The following CYP46A1 variants were observed in gnomAD, a reference collection of about 807,000 sequenced individuals.
CYP46A1 encodes the protein cytochrome P450 family 46 subfamily A member 1.
CYP46A1 carries 20 observed loss-of-function variants against 63.3 expected under a neutral mutation model. That is an observed-to-expected ratio of 0.32 (90% CI 0.22 to 0.46). The LOEUF (loss-of-function observed/expected upper bound fraction) is 0.46. Ranked by LOEUF, CYP46A1 falls within the 20% of genes least tolerant of loss-of-function variation. The pLI is 1.00. For missense variants in CYP46A1, 445 were observed against 670.8 expected, an observed-to-expected ratio of 0.66 and a Z score of 3.72; for synonymous variants, 268 against 273.6, an observed-to-expected ratio of 0.98 and a Z score of 0.20.
At position 99,718,130 on chromosome 14, in the gene CYP46A1, T is replaced by TG. The variant is rs1441363461; in HGVS notation, c.980+9dup. ...GCCAGCCAGAGATCGTGGCAAGGTA[T>TG]GGGGGCTGCTCTTGGGGCTGGCAAA... On this transcript the variant is annotated splice_donor_region_variant and intron_variant, in intron 10 of 14. Transcript: ENST00000261835. 1 of 1,613,772 alleles carries TG rather than the reference T, an allele frequency of 6.2e-7. No individual in the cohort carries two copies. The highest frequency in any genetic ancestry group is 1.3e-5 in the African/African-American group (1 of 75,044).
At chr14:99,720,619 C>T (rs1202978691) in intron 10 of CYP46A1, among the ~76,000 whole-genome samples, 2 of 151,992 alleles carry the variant, frequency 1.3e-5, no homozygotes, top group Admixed American at 6.5e-5. Flanking sequence ...CCACCACTCC[C>T]GGCGAATTTT....
intron 3 of CYP46A1, 130 bp from the exon 4 acceptor site, chr14:99,699,336 C>T (rs3742376): frequency 0.3 from 248,809 of 822,008 alleles, 39,354 homozygotes; most frequent in East Asian, 0.37. Context: ...TGTGTGGGAT[C>T]ATGCATGGGA....
At chr14:99,694,490 T>C (rs2056570933) in intron 3 of CYP46A1, among the ~76,000 whole-genome samples, 1 of 151,582 alleles carries the variant, frequency 6.6e-6, no homozygotes, top group African/African-American at 2.4e-5. Context: ...ATTTCATTGA[T>C]TTCTCCTCTT....
At chr14:99,724,182 TC>T (rs1265313189) in intron 12 of CYP46A1, among the ~76,000 whole-genome samples, 1 of 152,190 alleles carries the variant, frequency 6.6e-6, no homozygotes, top group African/African-American at 2.4e-5. Flanking sequence ...AGACCTTGTC[TC>T]CAAACACAGC....
chr14:99,703,967 C>A, intron 5 of CYP46A1: 2 of 740,016 alleles, frequency 2.7e-6, no homozygotes, highest in Non-Finnish European at 3.3e-6. Context: ...AAAGGCCAGC[C>A]AAGCAAACTT....
intron 10 of CYP46A1, among the ~76,000 whole-genome samples, chr14:99,720,534 C>A (rs1315505427): frequency 6.7e-6 from 1 of 149,298 alleles, no homozygotes; most frequent in African/African-American, 2.5e-5. Context: ...CCTCTGCTCA[C>A]TGCAAACTCC....
At chr14:99,701,888 G>A (rs943751785) in intron 5 of CYP46A1, among the ~76,000 whole-genome samples, 1 of 152,038 alleles carries the variant, frequency 6.6e-6, no homozygotes, top group Admixed American at 6.6e-5. Flanking sequence ...TAGCCAACAT[G>A]GAGAAACCAT....
intron 11 of CYP46A1, among the ~76,000 whole-genome samples, chr14:99,721,662 A>G (rs1260364489): frequency 6.6e-6 from 1 of 152,154 alleles, no homozygotes; most frequent in Non-Finnish European, 1.5e-5. Context: ...GCCGCCGCAC[A>G]GCAGGAGGGC....
Position 99,722,139 on chromosome 14 carries a change from C to A in CYP46A1, c.1176+73C>A. 1 of 1,155,332 alleles carries A rather than the reference C, an allele frequency of 8.7e-7. No homozygotes were observed. The highest frequency in any genetic ancestry group is 1.3e-5 in the South Asian group (1 of 76,962). The allele number at this position is 1,155,332 out of a possible 1,614,324, so 71.6% of individuals were successfully genotyped here. A position where few individuals can be genotyped will look rare whatever the true frequency, so the allele number is the denominator to read the frequency against. On this transcript the variant is annotated intron_variant, in intron 12 of 14. Transcript: ENST00000261835. This position sits in a 1 kb window ranked among gnomAD's most constrained non-coding sequence, Gnocchi z 4.6. The stretch of plus-strand genomic sequence containing the variant: ...CAATGGTGGTGAATTTGGGACTCAC[C>A]AGGGGAGCCTGTGGCCCTGTTCCCA...
chr14:99,722,073 G>A lies in CYP46A1; in HGVS notation c.1176+7G>A, dbSNP rs2056852749. The A allele has an allele frequency of 6.2e-7, 1 of 1,607,282 alleles. No homozygotes were observed. Among genetic ancestry groups the A allele is most frequent in the South Asian group, 1.1e-5 (1 of 90,942 alleles). The stretch of plus-strand genomic sequence containing the variant: ...CGGCAACACCCCGCTCTTGGTGGGT[G>A]GAGGCCCTGGGGGTCCTGGGGTGGG... On this transcript the variant is annotated splice_region_variant and intron_variant, in intron 12 of 14. Transcript: ENST00000261835. This position sits in a 1 kb window ranked among gnomAD's most constrained non-coding sequence, Gnocchi z 4.6.
At chr14:99,691,516 CT>C in intron 2 of CYP46A1, 1 of 575,448 alleles carries the variant, frequency 1.7e-6, no homozygotes. Flanking sequence ...CCAGGACAAC[CT>C]TTTGGGACAA....
rs796647695 is a variant in CYP46A1 at position 99,687,263 on chromosome 14, A to G, written c.119+2727A>G. Among the ~76,000 whole-genome samples, 11 of 152,262 alleles carry G rather than the reference A, an allele frequency of 7.2e-5. 1 individual carries two copies. The highest frequency in any genetic ancestry group is 2.6e-4 in the African/African-American group (11 of 41,550). On this transcript the variant is annotated intron_variant, in intron 1 of 14. Transcript: ENST00000261835. Reference sequence around the variant, plus strand: ...CTCTGTCACTGTTCTAACTTCCCTCATCAGCCCCTACTCTCCTGGTAATGT... The same window carrying G: ...CTCTGTCACTGTTCTAACTTCCCTCGTCAGCCCCTACTCTCCTGGTAATGT...
At chr14:99,719,914 A>C (rs2056829492) in intron 10 of CYP46A1, among the ~76,000 whole-genome samples, 1 of 151,970 alleles carries the variant, frequency 6.6e-6, no homozygotes, top group Non-Finnish European at 1.5e-5. Context: ...GGTGCACGCC[A>C]CCATGCCTGG....
At chr14:99,704,250 A>G (rs2056656262) in intron 5 of CYP46A1, among the ~76,000 whole-genome samples, 1 of 152,186 alleles carries the variant, frequency 6.6e-6, no homozygotes, top group Non-Finnish European at 1.5e-5. Context: ...CCATCACCAG[A>G]TATTTTTATT....
chr14:99,723,419 G>A (rs1310467302), intron 12 of CYP46A1, among the ~76,000 whole-genome samples: 1 of 152,030 alleles, frequency 6.6e-6, no homozygotes, highest in South Asian at 2.1e-4. Context: ...AGCGATTCTC[G>A]TGCCTCGGCC....
At chr14:99,694,919 A>G (rs1387189142) in intron 3 of CYP46A1, among the ~76,000 whole-genome samples, 3 of 152,242 alleles carry the variant, frequency 2.0e-5, no homozygotes, top group Non-Finnish European at 2.9e-5. Context: ...TTCTAATGTA[A>G]GCATTTAGAG....
intron 12 of CYP46A1, chr14:99,723,040 C>T (rs573261900): frequency 2.8e-5 from 10 of 356,066 alleles, no homozygotes; most frequent in African/African-American, 1.9e-4. Flanking sequence ...GAGAGAGCAC[C>T]TGCTGTTCTT....
rs1187725031 is a variant in CYP46A1, at chr14:99,718,131, G to A, written c.980+5G>A. 1 of 1,613,554 alleles carries A rather than the reference G, an allele frequency of 6.2e-7. No homozygotes were observed. Among genetic ancestry groups the A allele is most frequent in the African/African-American group, 1.3e-5 (1 of 74,934 alleles). ...CCAGCCAGAGATCGTGGCAAGGTAT[G>A]GGGGCTGCTCTTGGGGCTGGCAAAG... On this transcript the variant is annotated splice_donor_5th_base_variant and intron_variant, in intron 10 of 14. Coordinates refer to ENST00000261835, the MANE Select transcript of CYP46A1 (RefSeq NM_006668.2).
At chr14:99,702,083 A>AC (rs34591457) in intron 5 of CYP46A1, among the ~76,000 whole-genome samples, 3 of 147,748 alleles carry the variant, frequency 2.0e-5, no homozygotes, top group Non-Finnish European at 4.5e-5. Flanking sequence ...AAAAAAAAAA[A>AC]AAAAAAAAGG....
Sources: allele counts gnomAD v4.1 joint callset (sites outside exome capture counted in the v4.1 genomes callset), GRCh38; gene constraint gnomAD v4.1.1; non-coding constraint Gnocchi (gnomAD v3.1); transcripts MANE v1.5; gene names NCBI Gene and HGNC (gene_info 2026-07-23, HGNC 2026-07-21).